Variants in UTRN observed in about 807,000 individuals in gnomAD.
UTRN encodes the protein dystrophin-related protein 1.
In UTRN, 283 loss-of-function variants were observed where a neutral mutation model predicts 463.9. The ratio of observed to expected loss-of-function variants is 0.61; its 90% CI spans 0.55 to 0.67. The LOEUF (loss-of-function observed/expected upper bound fraction) is 0.67, where lower values mean the gene tolerates loss of function less well. UTRN is among the 30% of genes least tolerant of loss of function. The probability of loss-of-function intolerance (pLI) is 0.00; values close to 1 mark genes in which losing one functional copy is unlikely to be tolerated. For missense variants in UTRN, 3,922 were observed against 4,084.3 expected (o/e 0.96, Z 1.08); for synonymous variants, 1,442 against 1,431.5 (o/e 1.01, Z -0.17).
At chr6:144,451,877 T>G (rs1165381328) in intron 18 of UTRN, among the ~76,000 whole-genome samples, 1 of 152,152 alleles carries the variant, frequency 6.6e-6, no homozygotes, top group Non-Finnish European at 1.5e-5. Context: ...CTATTTTAAA[T>G]CAAAAAGTGT....
In UTRN at chr6:144,299,374, T is replaced by A. The variant is rs373360126; in HGVS notation, c.79+7467T>A. Among the ~76,000 whole-genome samples, 7 of 152,352 alleles carry A rather than the reference T, an allele frequency of 4.6e-5. No individual in the cohort carries two copies. The East Asian group carries it at 1.2e-3, about 25-fold the overall frequency. Reference sequence around the variant, plus strand: ...CAAGGAAAGCTACAACGTTTATTATTTCTACTTATAAACACTTCCCTTTAA... The same window carrying A: ...CAAGGAAAGCTACAACGTTTATTATATCTACTTATAAACACTTCCCTTTAA... On this transcript the variant is annotated intron_variant, in intron 2 of 74. Coordinates refer to ENST00000367545, the MANE Select transcript of UTRN (RefSeq NM_007124.3).
Position 144,732,313 on chromosome 6 carries a change from A to T in UTRN, c.7939+1827A>T, listed in dbSNP as rs114788063. On this transcript the variant is annotated intron_variant, in intron 54 of 74. Coordinates refer to ENST00000367545, the MANE Select transcript of UTRN (RefSeq NM_007124.3). ...ATATATATACACATATATATATATA[A>T]AAAATGTATACACACACACGTACAT... Among the ~76,000 whole-genome samples, 1,316 of 145,148 alleles carry T rather than the reference A, an allele frequency of 9.1e-3. 11 individuals are homozygous for T. Among genetic ancestry groups the T allele is most frequent in the African/African-American group, 0.015 (587 of 39,114 alleles).
At chr6:144,398,604 C>T (rs72991987) in intron 2 of UTRN, 9,445 of 189,008 alleles carry the variant, frequency 0.05, 315 homozygotes, top group Non-Finnish European at 0.074. Flanking sequence ...ACATACACAG[C>T]AGTACGGAGA....
At chr6:144,460,627 C>A (rs1215590172) in intron 21 of UTRN, among the ~76,000 whole-genome samples, 1 of 152,208 alleles carries the variant, frequency 6.6e-6, no homozygotes, top group East Asian at 1.9e-4. Context: ...GGTTTCACCT[C>A]TTTGTGCTTC....
intron 26 of UTRN, among the ~76,000 whole-genome samples, chr6:144,480,794 T>C (rs1791775774): frequency 6.6e-6 from 1 of 152,212 alleles, no homozygotes; most frequent in African/African-American, 2.4e-5. Flanking sequence ...TACCTCAAAG[T>C]TAACTTACCT....
intron 57 of UTRN, among the ~76,000 whole-genome samples, chr6:144,757,414 A>T (rs1339217999): frequency 1.3e-5 from 2 of 151,988 alleles, no homozygotes; most frequent in Non-Finnish European, 2.9e-5. Flanking sequence ...GCCTATTTTT[A>T]AATTCCTTCT....
chr6:144,291,629 C>T (rs1048361795), intron 1 of UTRN, 108 bp from the exon 2 acceptor site: 8 of 397,372 alleles, frequency 2.0e-5, no homozygotes, highest in Admixed American at 4.2e-5. Flanking sequence ...GTGCTTTACA[C>T]GTGGTAGGCA....
chr6:144,737,157 G>C (rs959079642), intron 54 of UTRN, among the ~76,000 whole-genome samples: 1 of 152,124 alleles, frequency 6.6e-6, no homozygotes, highest in South Asian at 2.1e-4. Flanking sequence ...TGAGCAGCCA[G>C]GATAGAGATT....
Position 144,522,057 on chromosome 6 carries a change from G to C in UTRN, c.5619G>C (p.Leu1873=), listed in dbSNP as rs1796153466. The change falls in exon 40 of 75, where the codon CTG becomes CTC. Residue 1873 remains leucine (L), a synonymous_variant. Coordinates refer to ENST00000367545, the MANE Select transcript of UTRN (RefSeq NM_007124.3). ...IRSSLLPTDY[L]VEINKILLCM... is the part of the protein sequence containing the mutation. ...CATCACTTCTTCCTACAGATTATCTGGTTGAAATTAACAAAATTTTACTTT... is the reference window on the plus strand; with the variant it reads ...CATCACTTCTTCCTACAGATTATCTCGTTGAAATTAACAAAATTTTACTTT... 1 of 1,595,518 alleles carries C rather than the reference G, an allele frequency of 6.3e-7. No homozygotes were observed. Among genetic ancestry groups the C allele is most frequent in the African/African-American group, 1.4e-5 (1 of 73,328 alleles).
intron 51 of UTRN, among the ~76,000 whole-genome samples, chr6:144,601,751 C>A (rs545001692): frequency 5.3e-5 from 8 of 152,104 alleles, no homozygotes; most frequent in Non-Finnish European, 1.0e-4. Flanking sequence ...CTAATGTGGA[C>A]AAAATGCTAC....
Position 144,852,015 on chromosome 6 carries a change from G to T in UTRN, c.*1018G>T, listed in dbSNP as rs1185883238. ...CATTGTCTTTGGTTCCCTTCAAAGA[G>T]AATTTTATTGTTGTTTTGTATTTTC... On this transcript the variant is annotated 3_prime_UTR_variant, in exon 75 of 75. Coordinates refer to ENST00000367545, the MANE Select transcript of UTRN (RefSeq NM_007124.3). 1 of 152,106 alleles carries T rather than the reference G, an allele frequency of 6.6e-6. No homozygotes were observed. The highest frequency in any genetic ancestry group is 2.4e-5 in the African/African-American group (1 of 41,422). The allele number at this position is 152,106 out of a possible 1,614,324, so 9.4% of individuals were successfully genotyped here. A position where few individuals can be genotyped will look rare whatever the true frequency, so the allele number is the denominator to read the frequency against.
intron 65 of UTRN, among the ~76,000 whole-genome samples, chr6:144,820,001 G>C (rs1344097771): frequency 6.6e-6 from 1 of 151,574 alleles, no homozygotes; most frequent in Admixed American, 6.6e-5. Flanking sequence ...TGGAGCCAGA[G>C]GATCATGGGC....
intron 66 of UTRN, among the ~76,000 whole-genome samples, chr6:144,824,568 TTATTTATATATATATATATATA>T (rs1779924929): frequency 1.4e-5 from 1 of 69,044 alleles, no homozygotes; most frequent in African/African-American, 5.1e-5. Flanking sequence ...ATATAGCATT[TTATTTATATATATATATATATA>T]TATATATATA....
rs561281368 is a variant in UTRN at position 144,703,962 on chromosome 6, A to G, written c.7809+3719A>G. Among the ~76,000 whole-genome samples the G allele has an allele frequency of 2.6e-5, 4 of 152,288 alleles. No homozygotes were observed. The East Asian group carries it at 5.8e-4, about 22-fold the overall frequency. ...ATTATTTTATTATTCAGCATGTTCT[A>G]TGCTGGTAAGAATGATTCTGTGAAG... On this transcript the variant is annotated intron_variant, in intron 53 of 74. Transcript: ENST00000367545.
rs543495806 is a variant in UTRN, at chr6:144,745,623, A to G, written c.7940-2623A>G. On this transcript the variant is annotated intron_variant, in intron 54 of 74. Coordinates refer to ENST00000367545, the MANE Select transcript of UTRN (RefSeq NM_007124.3). ...ATACTGCACAAGGACTGCTCAATCA[A>G]TAAATTTTTACATTAAGGAAAGATA... 5.9e-5 allele frequency among the ~76,000 whole-genome samples: 9 copies of G among 152,340 alleles called. No homozygotes were observed. The South Asian group carries it at 1.7e-3, about 28-fold the overall frequency.
chr6:144,644,912 G>A (rs1362858930), intron 51 of UTRN, among the ~76,000 whole-genome samples: 20 of 152,152 alleles, frequency 1.3e-4, no homozygotes, highest in Admixed American at 1.3e-3. Flanking sequence ...GCACAAGGAA[G>A]TTTGCCTAAC....
chr6:144,635,138 G>GTTGTTT (rs1776975055), intron 51 of UTRN, among the ~76,000 whole-genome samples: 1 of 103,114 alleles, frequency 9.7e-6, no homozygotes, highest in Admixed American at 1.1e-4. Flanking sequence ...TTATTTGTGT[G>GTTGTTT]TTTTTTTTTT....
At chr6:144,785,449 A>G (rs1776217179) in intron 61 of UTRN, among the ~76,000 whole-genome samples, 1 of 152,174 alleles carries the variant, frequency 6.6e-6, no homozygotes, top group African/African-American at 2.4e-5. Context: ...CCTATTGCAT[A>G]TTAGTCATAA....
At chr6:144,753,740 G>A (rs189378325) in intron 56 of UTRN, among the ~76,000 whole-genome samples, 9 of 151,576 alleles carry the variant, frequency 5.9e-5, no homozygotes, top group Admixed American at 1.3e-4. Flanking sequence ...GATTGCACAT[G>A]CGTGTAGTCC....
Sources: gnomAD v4.1 joint callset for allele counts (sites outside exome capture counted in the v4.1 genomes callset) on GRCh38, gnomAD v4.1.1 for gene constraint, MANE v1.5 for transcripts, NCBI Gene and HGNC (gene_info 2026-07-23, HGNC 2026-07-21) for gene names.